SEMA6D: variants seen among roughly 807,000 people sequenced by gnomAD.
SEMA6D encodes the protein semaphorin-6D.
In SEMA6D, 35 loss-of-function variants were observed where a neutral mutation model predicts 106.6. The ratio of observed to expected loss-of-function variants is 0.33; its 90% CI spans 0.25 to 0.44. SEMA6D has a LOEUF of 0.44. SEMA6D is among the 20% of genes least tolerant of loss of function. The pLI is 1.00. For missense variants in SEMA6D, 1,185 were observed against 1,345.9 expected, an observed-to-expected ratio of 0.88 and a Z score of 1.87; for synonymous variants, 499 against 487.7, an observed-to-expected ratio of 1.02 and a Z score of -0.31.
intron 1 of SEMA6D, among the ~76,000 whole-genome samples, chr15:47,287,833 T>A (rs898555403): frequency 1.3e-5 from 2 of 152,096 alleles, no homozygotes; most frequent in Non-Finnish European, 2.9e-5. Flanking sequence ...CTGGGTAATA[T>A]AAAGAAAAGA....
At position 47,771,336 on chromosome 15, in the gene SEMA6D, C is replaced by G; in HGVS notation, c.2773C>G (p.Arg925Gly). ...MSEVPPKVPN[R>G]EASLYSPPST... The stretch of plus-strand genomic sequence containing the variant: ...TGAGGTCCCACCTAAAGTCCCTAAC[C>G]GGGAGGCATCGCTATACTCCCCTCC... The change falls in exon 19 of 19, where the codon CGG becomes GGG. Residue 925 changes from arginine to glycine, a missense_variant. Arg to Gly is a moderately radical substitution (Grantham distance 125, BLOSUM62 -2). Transcript: ENST00000536845. 1.2e-6 allele frequency: 2 copies of G among 1,613,952 alleles called. No homozygotes were observed. Among genetic ancestry groups the G allele is most frequent in the Non-Finnish European group, 1.7e-6 (2 of 1,179,966 alleles).
At chr15:47,602,834 C>T (rs994506584) in intron 4 of SEMA6D, among the ~76,000 whole-genome samples, 5 of 152,074 alleles carry the variant, frequency 3.3e-5, no homozygotes, top group African/African-American at 9.7e-5. Context: ...CCCCCACCCC[C>T]GAAACTCTTG....
chr15:47,520,826 C>T (rs1020028367), intron 3 of SEMA6D, among the ~76,000 whole-genome samples: 38 of 152,128 alleles, frequency 2.5e-4, no homozygotes, highest in Admixed American at 2.5e-3. Flanking sequence ...GGGAGGGTGC[C>T]AGAAGGAGGC....
chr15:47,767,098 G>GTT lies in SEMA6D; in HGVS notation c.1765+12_1765+13dup. On this transcript the variant is annotated splice_donor_region_variant and intron_variant, in intron 17 of 18. Coordinates refer to ENST00000536845, the MANE Select transcript of SEMA6D (RefSeq NM_001358351.3). The stretch of plus-strand genomic sequence containing the variant: ...TATTTGGCGGTCCAACATCTGGTTA[G>GTT]TTTTTTTTAATTTTTTTGAATTAAC... 6.4e-7 allele frequency: 1 copy of GTT among 1,555,862 alleles called. No individual in the cohort carries two copies. The highest frequency in any genetic ancestry group is 8.7e-7 in the Non-Finnish European group (1 of 1,145,892).
At chr15:47,262,554 G>A (rs578211494) in intron 1 of SEMA6D, among the ~76,000 whole-genome samples, 12 of 152,108 alleles carry the variant, frequency 7.9e-5, no homozygotes, top group African/African-American at 2.4e-4. Context: ...GGGGGAAATG[G>A]CCCTCATGAT....
intron 4 of SEMA6D, among the ~76,000 whole-genome samples, chr15:47,612,905 A>G (rs1187168735): frequency 6.6e-6 from 1 of 152,214 alleles, no homozygotes; most frequent in African/African-American, 2.4e-5. Flanking sequence ...TAGATCTTGT[A>G]GTTAACAAAT....
At chr15:47,595,630 A>G (rs1434725751) in intron 3 of SEMA6D, among the ~76,000 whole-genome samples, 1 of 152,126 alleles carries the variant, frequency 6.6e-6, no homozygotes, top group Non-Finnish European at 1.5e-5. Flanking sequence ...CTTCTTCTTT[A>G]TTTTTTAGGG....
At chr15:47,766,037 G>T (rs371541241) in intron 14 of SEMA6D, 28 bp downstream of exon 14, 3 of 1,609,228 alleles carry the variant, frequency 1.9e-6, no homozygotes, top group African/African-American at 2.7e-5. Flanking sequence ...TACTTACCCT[G>T]GGTCTTGCAG....
At chr15:47,380,615 A>G (rs1262271022) in intron 1 of SEMA6D, 1 of 152,240 alleles carries the variant, frequency 6.6e-6, no homozygotes, top group African/African-American at 2.4e-5. Flanking sequence ...AAATAGCCAC[A>G]TAAGCAGATT....
At chr15:47,416,555 G>T (rs1285273752) in intron 2 of SEMA6D, among the ~76,000 whole-genome samples, 1 of 152,110 alleles carries the variant, frequency 6.6e-6, no homozygotes, top group Non-Finnish European at 1.5e-5. Flanking sequence ...TAGTCAAACA[G>T]TGTACTCACA....
chr15:47,293,517 G>A (rs902232795), intron 1 of SEMA6D, among the ~76,000 whole-genome samples: 1 of 152,182 alleles, frequency 6.6e-6, no homozygotes, highest in African/African-American at 2.4e-5. Flanking sequence ...TCCAGGACTA[G>A]CACAGCTGTC....
chr15:47,385,456 A>G (rs148580068), intron 1 of SEMA6D, among the ~76,000 whole-genome samples: 192 of 152,196 alleles, frequency 1.3e-3, no homozygotes, highest in African/African-American at 4.4e-3. Context: ...ATTTGTAAAA[A>G]TTCATTTCTT....
chr15:47,639,252 A>G (rs191529395), intron 4 of SEMA6D, among the ~76,000 whole-genome samples: 8 of 152,308 alleles, frequency 5.3e-5, no homozygotes, highest in South Asian at 4.2e-4. Flanking sequence ...AAGAAATACA[A>G]TGGTGGGATA....
Position 47,288,582 on chromosome 15 carries a change from G to A in SEMA6D, c.-239+104164G>A, listed in dbSNP as rs148568724. The stretch of plus-strand genomic sequence containing the variant: ...ATCCCTCCACAGAATTTCTATAATG[G>A]CCTTTTGCCATTCAATAAATACTGA... On this transcript the variant is annotated intron_variant, in intron 1 of 19. Transcript: ENST00000558014. 1.5e-3 allele frequency among the ~76,000 whole-genome samples: 221 copies of A among 152,226 alleles called. 1 individual carries two copies. Among genetic ancestry groups the A allele is most frequent in the African/African-American group, 5.2e-3 (215 of 41,548 alleles).
intron 1 of SEMA6D, among the ~76,000 whole-genome samples, chr15:47,237,408 T>A (rs2032619290): frequency 1.3e-5 from 2 of 150,954 alleles, no homozygotes; most frequent in African/African-American, 4.8e-5. Context: ...GAAATGAGAC[T>A]GTCATGATAA....
upstream of SEMA6D, among the ~76,000 whole-genome samples, chr15:47,716,776 A>G (rs539265489): frequency 2.0e-5 from 3 of 152,268 alleles, no homozygotes; most frequent in African/African-American, 7.2e-5. Flanking sequence ...AAACCGGGTC[A>G]TTAGCCTGCA....
chr15:47,450,543 T>A (rs2042159858), intron 2 of SEMA6D, among the ~76,000 whole-genome samples: 1 of 152,074 alleles, frequency 6.6e-6, no homozygotes, highest in African/African-American at 2.4e-5. Context: ...CTTCAAACTG[T>A]TTACAGTAAT....
intron 3 of SEMA6D, among the ~76,000 whole-genome samples, chr15:47,554,427 A>G (rs139799028): frequency 5.3e-5 from 8 of 152,218 alleles, no homozygotes; most frequent in Admixed American, 3.3e-4. Flanking sequence ...ACGGTGGGCA[A>G]TTTGAAAGAG....
chr15:47,213,212 A>G (rs1724526597), intron 1 of SEMA6D, among the ~76,000 whole-genome samples: 1 of 152,088 alleles, frequency 6.6e-6, no homozygotes. Flanking sequence ...GTGGCTGTGT[A>G]TTTTGGACCG....
Sources: allele counts gnomAD v4.1 joint callset (sites outside exome capture counted in the v4.1 genomes callset), GRCh38; gene constraint gnomAD v4.1.1; transcripts MANE v1.5; gene names NCBI Gene and HGNC (gene_info 2026-07-23, HGNC 2026-07-21).